The following TMOD2 variants were observed in gnomAD, a reference collection of about 807,000 sequenced individuals.
TMOD2 encodes the protein tropomodulin 2.
In TMOD2, 22 loss-of-function variants were observed where a neutral mutation model predicts 39.9. The observed-to-expected ratio is 0.55, with a 90% confidence interval of 0.39 to 0.79. TMOD2 has a LOEUF of 0.79. TMOD2 is among the 30% of genes least tolerant of loss of function. The probability of loss-of-function intolerance (pLI) is 0.00; values close to 1 mark genes in which losing one functional copy is unlikely to be tolerated. For synonymous variants in TMOD2, 123 were observed against 146.1 expected (o/e 0.84, Z 1.14); for missense variants, 386 against 413.3 (o/e 0.93, Z 0.57).
chr15:51,791,860 A>G (rs1035057428), intron 7 of TMOD2, among the ~76,000 whole-genome samples: 18 of 152,348 alleles, frequency 1.2e-4, no homozygotes, highest in Admixed American at 9.8e-4. Context: ...TAAACTCAAG[A>G]TGGATCAGAG....
chr15:51,786,994 C>T (rs754428177), intron 7 of TMOD2, among the ~76,000 whole-genome samples: 1 of 152,186 alleles, frequency 6.6e-6, no homozygotes, highest in Non-Finnish European at 1.5e-5. Flanking sequence ...GGGTGCAGCC[C>T]ATGGAGGGTG....
intron 1 of TMOD2, among the ~76,000 whole-genome samples, chr15:51,757,401 CAAAAAA>C (rs3078133): frequency 8.5e-5 from 7 of 81,900 alleles, no homozygotes; most frequent in African/African-American, 2.9e-4. Context: ...GACTCCGTCT[CAAAAAA>C]AAAAAAAAAA....
rs1179425518 is a variant in TMOD2, at chr15:51,811,504, A to T, written c.*3050A>T. 6.6e-6 allele frequency: 1 copy of T among 152,294 alleles called. No homozygotes were observed. Among genetic ancestry groups the T allele is most frequent in the Non-Finnish European group, 1.5e-5 (1 of 68,060 alleles). 9.4% of individuals were successfully genotyped at this position (152,294 alleles called of 1,614,324 possible). On this transcript the variant is annotated 3_prime_UTR_variant, in exon 10 of 10. Coordinates refer to ENST00000249700, the MANE Select transcript of TMOD2 (RefSeq NM_014548.4). Reference sequence around the variant, plus strand: ...ATTATGGCACATGTAGATGACATTTAGGAGAAAAACCTTAGAAGTCTAGAA... The same window carrying T: ...ATTATGGCACATGTAGATGACATTTTGGAGAAAAACCTTAGAAGTCTAGAA...
intron 5 of TMOD2, among the ~76,000 whole-genome samples, chr15:51,780,415 G>A (rs1303467351): frequency 6.6e-6 from 1 of 152,180 alleles, no homozygotes; most frequent in African/African-American, 2.4e-5. Flanking sequence ...TTTTGGTTGA[G>A]TGACAGATTC....
chr15:51,788,457 T>C (rs1439030449), intron 7 of TMOD2, among the ~76,000 whole-genome samples: 2 of 152,204 alleles, frequency 1.3e-5, no homozygotes, highest in East Asian at 1.9e-4. Flanking sequence ...CTTCAGGATA[T>C]TATCCAAGAG....
intron 1 of TMOD2, among the ~76,000 whole-genome samples, chr15:51,761,395 T>C (rs563207367): frequency 6.6e-6 from 1 of 151,842 alleles, no homozygotes; most frequent in East Asian, 1.9e-4. Context: ...TAGAGAAAAA[T>C]TGGGAGTTTA....
In TMOD2 at chr15:51,773,818, A is replaced by G. The variant is rs1233357907; in HGVS notation, c.390A>G (p.Glu130=). 6 of 1,610,518 alleles carry G rather than the reference A, an allele frequency of 3.7e-6. No homozygotes were observed. The East Asian group carries it at 6.7e-5, about 18-fold the overall frequency. The change falls in exon 4 of 10, where the codon GAA becomes GAG. Residue 130 remains glutamate, a synonymous_variant. Transcript: ENST00000249700. ...CTTTGGCCAGTGCCTCTGACACCGA[A>G]CTCTATGATCTTGCAGGTTAGTCCT... ...EEALASASDT[E]LYDLAAVLGV...
intron 7 of TMOD2, among the ~76,000 whole-genome samples, chr15:51,797,199 C>G (rs565559649): frequency 6.6e-6 from 1 of 152,208 alleles, no homozygotes; most frequent in Non-Finnish European, 1.5e-5. Context: ...ATTTTCCCCC[C>G]ACACTGTACT....
rs80167826 is a variant in TMOD2 at position 51,794,806 on chromosome 15, A to G, written c.733-3391A>G. Among the ~76,000 whole-genome samples, 261 of 152,342 alleles carry G rather than the reference A, an allele frequency of 1.7e-3. 11 individuals are homozygous for G. Among genetic ancestry groups the G allele is most frequent in the East Asian group, 0.017 (88 of 5,190 alleles). On this transcript the variant is annotated intron_variant, in intron 7 of 9. Transcript: ENST00000249700. Reference sequence around the variant, plus strand: ...TTATAAAAGATGAGGGTAGTTCTATACTTAATTTTCCATTCCTCCTTTCTC... The same window carrying G: ...TTATAAAAGATGAGGGTAGTTCTATGCTTAATTTTCCATTCCTCCTTTCTC...
intron 1 of TMOD2, among the ~76,000 whole-genome samples, chr15:51,757,662 C>T (rs2055751780): frequency 6.6e-6 from 1 of 152,106 alleles, no homozygotes; most frequent in Admixed American, 6.6e-5. Context: ...ACAGACACAC[C>T]ACTGGAGGGG....
In TMOD2 at chr15:51,789,474, A is replaced by C. The variant is rs527859618; in HGVS notation, c.732+6646A>C. 2.0e-5 allele frequency among the ~76,000 whole-genome samples: 3 copies of C among 152,330 alleles called. No homozygotes were observed. In the East Asian group the frequency reaches 5.8e-4, roughly 29 times the overall value. Reference sequence around the variant, plus strand: ...AATGAGACAGAAAATTAACAAGGATATCCAGGACTTGAACTCAGCTCTGGA... The same window carrying C: ...AATGAGACAGAAAATTAACAAGGATCTCCAGGACTTGAACTCAGCTCTGGA... On this transcript the variant is annotated intron_variant, in intron 7 of 9. Coordinates refer to ENST00000249700, the MANE Select transcript of TMOD2 (RefSeq NM_014548.4).
In TMOD2 at chr15:51,811,160, G is replaced by A. The variant is rs2056154407; in HGVS notation, c.*2706G>A. 2 of 152,124 alleles carry A rather than the reference G, an allele frequency of 1.3e-5. No individual in the cohort carries two copies. Among genetic ancestry groups the A allele is most frequent in the Non-Finnish European group, 2.9e-5 (2 of 68,030 alleles). The allele number at this position is 152,124 out of a possible 1,614,324, so 9.4% of individuals were successfully genotyped here. On this transcript the variant is annotated 3_prime_UTR_variant, in exon 10 of 10. Coordinates refer to ENST00000249700, the MANE Select transcript of TMOD2 (RefSeq NM_014548.4). Reference sequence around the variant, plus strand: ...AACCCTTAGAAAAACATACACTTGAGGAGCCTATCCATCATTTAATTAGCC... The same window carrying A: ...AACCCTTAGAAAAACATACACTTGAAGAGCCTATCCATCATTTAATTAGCC...
intron 8 of TMOD2, among the ~76,000 whole-genome samples, chr15:51,799,763 G>A (rs2056076279): frequency 6.6e-6 from 1 of 152,148 alleles, no homozygotes; most frequent in African/African-American, 2.4e-5. Context: ...GAAATATGAA[G>A]GGAGAGAACA....
At chr15:51,762,447 G>A (rs1405790812) in intron 1 of TMOD2, among the ~76,000 whole-genome samples, 1 of 152,124 alleles carries the variant, frequency 6.6e-6, no homozygotes, top group South Asian at 2.1e-4. Flanking sequence ...GCAACAGACT[G>A]AGACCGTGTC....
Position 51,764,266 on chromosome 15 carries a change from G to A in TMOD2, c.-69-2107G>A, listed in dbSNP as rs181037777. On this transcript the variant is annotated intron_variant, in intron 1 of 9. Coordinates refer to ENST00000249700, the MANE Select transcript of TMOD2 (RefSeq NM_014548.4). The stretch of plus-strand genomic sequence containing the variant: ...CAGGAGCTGGAGGTTGCAGTGAGCC[G>A]AGATGGTACCACTGCATTCCAGCCT... 7.9e-3 allele frequency among the ~76,000 whole-genome samples: 1,206 copies of A among 152,236 alleles called. 19 individuals are homozygous for A. The highest frequency in any genetic ancestry group is 0.028 in the African/African-American group (1,148 of 41,530).
intron 3 of TMOD2, among the ~76,000 whole-genome samples, chr15:51,773,227 G>C (rs1171331339): frequency 6.6e-6 from 1 of 152,204 alleles, no homozygotes; most frequent in East Asian, 1.9e-4. Flanking sequence ...CAGGCTCAGG[G>C]CTCTTTGGGC....
chr15:51,811,382 C>T lies in TMOD2; in HGVS notation c.*2928C>T, dbSNP rs903857015. 3 of 152,170 alleles carry T rather than the reference C, an allele frequency of 2.0e-5. No individual in the cohort carries two copies. Among genetic ancestry groups the T allele is most frequent in the East Asian group, 1.9e-4 (1 of 5,200 alleles). 9.4% of individuals were successfully genotyped at this position (152,170 alleles called of 1,614,324 possible). ...AACTGACTGAAGGGAGATAACTTCT[C>T]CCCAGGCCTATCTCCCTCCCCCTTT... On this transcript the variant is annotated 3_prime_UTR_variant, in exon 10 of 10. Coordinates refer to ENST00000249700, the MANE Select transcript of TMOD2 (RefSeq NM_014548.4).
intron 6 of TMOD2, among the ~76,000 whole-genome samples, chr15:51,781,523 G>T (rs2141626765): frequency 6.6e-6 from 1 of 152,318 alleles, no homozygotes; most frequent in African/African-American, 2.4e-5. Flanking sequence ...GTGGCTCAGG[G>T]TCTCAAATGA....
intron 1 of TMOD2, among the ~76,000 whole-genome samples, chr15:51,761,570 G>GA (rs11446560): frequency 0.48 from 72,016 of 150,246 alleles, 17,491 homozygotes; most frequent in Admixed American, 0.54. Context: ...CTGCAAAAAA[G>GA]AAAAAAAAAT....
Sources: gnomAD v4.1 joint callset for allele counts (sites outside exome capture counted in the v4.1 genomes callset) on GRCh38, gnomAD v4.1.1 for gene constraint, MANE v1.5 for transcripts, NCBI Gene and HGNC (gene_info 2026-07-23, HGNC 2026-07-21) for gene names.